FSIP1: variants seen among roughly 807,000 people sequenced by gnomAD.
The protein encoded by FSIP1 is fibrous sheath interacting protein 1.
In FSIP1, 65 loss-of-function variants were observed where a neutral mutation model predicts 60.9. That is an observed-to-expected ratio of 1.07 (90% confidence interval 0.87 to 1.31). FSIP1 has a LOEUF of 1.31. Ranked by LOEUF, FSIP1 falls within the 40% of genes most tolerant of loss-of-function variation. The pLI, the probability that FSIP1 is intolerant of heterozygous loss-of-function variation, is 0.00. For missense variants in FSIP1, 675 were observed against 665.5 expected (o/e 1.01, Z -0.16); for synonymous variants, 209 against 221.2 (o/e 0.94, Z 0.49).
chr15:39,678,547 T>A (rs1894035766), intron 10 of FSIP1, among the ~76,000 whole-genome samples: 1 of 152,190 alleles, frequency 6.6e-6, no homozygotes, highest in Non-Finnish European at 1.5e-5. Context: ...AGTAATGTAA[T>A]CGGGAAACAT....
chr15:39,735,144 A>T (rs1340851289), intron 8 of FSIP1, among the ~76,000 whole-genome samples: 2 of 152,214 alleles, frequency 1.3e-5, no homozygotes, highest in Non-Finnish European at 1.5e-5. Flanking sequence ...CTGGTATCTA[A>T]GCTTTTGTTA....
intron 5 of FSIP1, among the ~76,000 whole-genome samples, chr15:39,763,330 T>A (rs1897569583): frequency 6.6e-6 from 1 of 152,154 alleles, no homozygotes; most frequent in Admixed American, 6.5e-5. Flanking sequence ...TATTTCTGTT[T>A]TCAAAAAGGA....
chr15:39,704,503 G>A (rs919258566), intron 10 of FSIP1, among the ~76,000 whole-genome samples: 3 of 152,180 alleles, frequency 2.0e-5, no homozygotes, highest in African/African-American at 7.2e-5. Flanking sequence ...GCTAAAAATT[G>A]GCTGAACTAT....
At chr15:39,652,715 T>C (rs983230731) in intron 10 of FSIP1, among the ~76,000 whole-genome samples, 4 of 152,208 alleles carry the variant, frequency 2.6e-5, no homozygotes, top group African/African-American at 9.6e-5. Context: ...TACACAAACC[T>C]AGATGGTGTA....
chr15:39,653,192 A>AAC (rs59768376), intron 10 of FSIP1, among the ~76,000 whole-genome samples: 3 of 149,892 alleles, frequency 2.0e-5, no homozygotes, highest in Non-Finnish European at 4.5e-5. Flanking sequence ...AAAAAAAAAA[A>AAC]CCCAAAAACG....
chr15:39,713,336 G>T, intron 10 of FSIP1, 108 bp downstream of exon 10: 1 of 927,866 alleles, frequency 1.1e-6, no homozygotes, highest in Non-Finnish European at 1.6e-6. Flanking sequence ...GCAGGCTGAG[G>T]TGGGCAGGTC....
intron 10 of FSIP1, among the ~76,000 whole-genome samples, chr15:39,680,533 TC>T (rs752088706): frequency 4.1e-4 from 62 of 152,314 alleles, no homozygotes; most frequent in Middle Eastern, 3.4e-3. Context: ...AACTTCTCAG[TC>T]ATGATCTTTG....
intron 10 of FSIP1, among the ~76,000 whole-genome samples, chr15:39,684,314 T>A (rs1490722555): frequency 6.6e-6 from 1 of 152,092 alleles, no homozygotes; most frequent in East Asian, 1.9e-4. Context: ...ATATAAGGAA[T>A]CTGGAAAGGT....
intron 1 of FSIP1, among the ~76,000 whole-genome samples, chr15:39,777,101 A>T (rs1210936174): frequency 6.9e-6 from 1 of 145,246 alleles, no homozygotes; most frequent in Non-Finnish European, 1.5e-5. Flanking sequence ...TAATTATAGT[A>T]TTTTTTTTTT....
chr15:39,626,297 T>A (rs948211399), intron 10 of FSIP1, among the ~76,000 whole-genome samples: 3 of 152,214 alleles, frequency 2.0e-5, no homozygotes, highest in Non-Finnish European at 4.4e-5. Flanking sequence ...ATGTGTCTTC[T>A]GTGTTGAGCT....
At chr15:39,762,378 C>A (rs1475324211) in intron 5 of FSIP1, among the ~76,000 whole-genome samples, 1 of 152,214 alleles carries the variant, frequency 6.6e-6, no homozygotes, top group Non-Finnish European at 1.5e-5. Flanking sequence ...CAGCCTTCTT[C>A]CCTGTGGCTC....
intron 10 of FSIP1, among the ~76,000 whole-genome samples, chr15:39,620,911 T>C (rs936013135): frequency 3.6e-4 from 55 of 151,486 alleles, no homozygotes; most frequent in African/African-American, 1.2e-3. Flanking sequence ...CAGCCCAAAT[T>C]TTTTAATAAA....
chr15:39,718,706 G>A (rs1045744977), intron 9 of FSIP1, among the ~76,000 whole-genome samples: 12 of 151,942 alleles, frequency 7.9e-5, no homozygotes, highest in African/African-American at 2.4e-4. Flanking sequence ...TATGTTGCCC[G>A]GGCTGATTTT....
At chr15:39,706,879 T>C (rs991885647) in intron 10 of FSIP1, among the ~76,000 whole-genome samples, 2 of 152,222 alleles carry the variant, frequency 1.3e-5, no homozygotes, top group Non-Finnish European at 1.5e-5. Context: ...TTTTCCTTAA[T>C]ACTCTATCAC....
chr15:39,765,506 A>C (rs1435129350), intron 4 of FSIP1, 86 bp downstream of exon 4: 1 of 975,696 alleles, frequency 1.0e-6, no homozygotes, highest in East Asian at 2.7e-5. Flanking sequence ...AGCCTCCCTA[A>C]GTGCTGGGAT....
chr15:39,696,904 G>C (rs900416288), intron 10 of FSIP1, among the ~76,000 whole-genome samples: 1 of 147,900 alleles, frequency 6.8e-6, no homozygotes, highest in Non-Finnish European at 1.5e-5. Context: ...GTGTGTGTGT[G>C]TGTGTGTGTG....
chr15:39,693,031 C>A (rs1265059584), intron 10 of FSIP1, among the ~76,000 whole-genome samples: 2 of 152,224 alleles, frequency 1.3e-5, no homozygotes, highest in Admixed American at 6.5e-5. Flanking sequence ...GAAGGGAGAG[C>A]ATCTGCCAAA....
intron 5 of FSIP1, among the ~76,000 whole-genome samples, chr15:39,752,562 T>C (rs949750355): frequency 4.6e-5 from 7 of 152,042 alleles, no homozygotes; most frequent in African/African-American, 1.7e-4. Flanking sequence ...CTCAGTCTAA[T>C]CATGAGAAAA....
chr15:39,718,594 G>A (rs935773881), intron 9 of FSIP1, among the ~76,000 whole-genome samples: 16 of 150,856 alleles, frequency 1.1e-4, no homozygotes, highest in African/African-American at 2.4e-4. Context: ...AGGCTCAAGC[G>A]ATCCTCCCAC....
Sources: allele counts gnomAD v4.1 joint callset (sites outside exome capture counted in the v4.1 genomes callset), GRCh38; gene constraint gnomAD v4.1.1; transcripts MANE v1.5; gene names NCBI Gene and HGNC (gene_info 2026-07-23, HGNC 2026-07-21).